ZNF536: variants seen among roughly 807,000 people sequenced by gnomAD.
ZNF536 encodes zinc finger protein 536.
ZNF536 carries 13 observed loss-of-function variants against 84.5 expected under a neutral mutation model. The observed-to-expected ratio is 0.15, with a 90% CI of 0.10 to 0.24. The LOEUF (loss-of-function observed/expected upper bound fraction) is 0.24. ZNF536 is among the 10% of genes least tolerant of loss of function. ZNF536 has a pLI of 1.00. For missense variants in ZNF536, 1,536 were observed against 1,747.5 expected (o/e 0.88, Z 2.16); for synonymous variants, 811 against 742.5 (o/e 1.09, Z -1.50).
At chr19:30,280,088 G>A (rs896014686) in intron 1 of ZNF536, among the ~76,000 whole-genome samples, 2 of 152,010 alleles carry the variant, frequency 1.3e-5, no homozygotes, top group Admixed American at 1.3e-4. Context: ...AGCAGCCCTC[G>A]CACCTTTCCT....
intron 1 of ZNF536, among the ~76,000 whole-genome samples, chr19:30,573,772 C>T (rs1002336517): frequency 1.3e-5 from 2 of 152,040 alleles, no homozygotes; most frequent in Non-Finnish European, 2.9e-5. Flanking sequence ...CCTTGGACAT[C>T]TGAGTTAAGC....
At chr19:30,565,051 G>C (rs74557929) in intron 1 of ZNF536, among the ~76,000 whole-genome samples, 1,658 of 152,228 alleles carry the variant, frequency 0.011, 20 homozygotes, top group Non-Finnish European at 0.016. Context: ...ATGCACTTCT[G>C]TTTGTTGCGT....
intron 1 of ZNF536, among the ~76,000 whole-genome samples, chr19:30,600,557 T>C (rs1018749545): frequency 2.0e-5 from 3 of 152,170 alleles, no homozygotes; most frequent in Admixed American, 1.3e-4. Context: ...CACGTCCTAG[T>C]GTGTCCTCCC....
intron 1 of ZNF536, among the ~76,000 whole-genome samples, chr19:30,601,498 C>T (rs1272341356): frequency 6.6e-6 from 1 of 152,172 alleles, no homozygotes; most frequent in Non-Finnish European, 1.5e-5. Flanking sequence ...CCACATATGG[C>T]TTCAGGGACT....
intron 1 of ZNF536, among the ~76,000 whole-genome samples, chr19:30,427,908 A>G (rs1172762339): frequency 6.6e-6 from 1 of 152,222 alleles, no homozygotes; most frequent in Non-Finnish European, 1.5e-5. Context: ...AATCTGTAAT[A>G]TAATTATTTA....
At position 30,534,937 on chromosome 19, in the gene ZNF536, C is replaced by T. The variant is rs749086445; in HGVS notation, c.2261C>T (p.Pro754Leu). The stretch of plus-strand genomic sequence containing the variant: ...CTGGGCTCGGCCATGAAGGACTGCC[C>T]GTACTGTGGGAAAACTTTCCGGACA... ...RSLGSAMKDC[P>L]YCGKTFRTSH... The change falls in exon 3 of 5, where the codon CCG becomes CTG. Residue 754 changes from proline (P) to leucine (L), a missense_variant. Pro to Leu is a moderately conservative substitution (Grantham distance 98). Transcript: ENST00000355537. 20 of 1,613,822 alleles carry T rather than the reference C, an allele frequency of 1.2e-5. No individual in the cohort carries two copies. Among genetic ancestry groups the T allele is most frequent in the East Asian group, 4.5e-5 (2 of 44,884 alleles).
intron 2 of ZNF536, among the ~76,000 whole-genome samples, chr19:30,297,904 C>T (rs1489022484): frequency 1.0e-4 from 8 of 79,302 alleles, no homozygotes; most frequent in South Asian, 9.4e-4. Flanking sequence ...AAGACGGAGT[C>T]CCCCCCCCCT....
chr19:30,311,380 T>C (rs2046498862), intron 2 of ZNF536, among the ~76,000 whole-genome samples: 2 of 152,188 alleles, frequency 1.3e-5, no homozygotes. Flanking sequence ...TGTGGCGAAG[T>C]AGAAGAAAGT....
At chr19:30,231,476 A>T (rs988672221) in intron 1 of ZNF536, among the ~76,000 whole-genome samples, 34 of 152,206 alleles carry the variant, frequency 2.2e-4, no homozygotes, top group Admixed American at 1.4e-3. Flanking sequence ...CTTCTCCAGA[A>T]TGTGCCAGGG....
intron 2 of ZNF536, among the ~76,000 whole-genome samples, chr19:30,520,194 G>A (rs1379067030): frequency 6.6e-6 from 1 of 152,228 alleles, no homozygotes; most frequent in African/African-American, 2.4e-5. Flanking sequence ...ATTTCAGGAT[G>A]AGAGGAAACA....
At chr19:30,710,416 T>G (rs1290133868) in intron 1 of ZNF536, among the ~76,000 whole-genome samples, 1 of 152,170 alleles carries the variant, frequency 6.6e-6, no homozygotes, top group Non-Finnish European at 1.5e-5. Flanking sequence ...GTGGTGTACC[T>G]GTAGTCCCAG....
chr19:30,684,983 T>A (rs992983442), intron 1 of ZNF536, among the ~76,000 whole-genome samples: 1 of 152,322 alleles, frequency 6.6e-6, no homozygotes, highest in East Asian at 1.9e-4. Context: ...GTTGTCTCAA[T>A]TACAGCTACT....
At chr19:30,611,888 C>G (rs1221964713) in intron 1 of ZNF536, among the ~76,000 whole-genome samples, 1 of 152,298 alleles carries the variant, frequency 6.6e-6, no homozygotes, top group East Asian at 1.9e-4. Context: ...GCCCTTTGGA[C>G]TTGGTTTTCA....
chr19:30,686,780 C>T (rs2051203726), intron 1 of ZNF536, among the ~76,000 whole-genome samples: 1 of 152,110 alleles, frequency 6.6e-6, no homozygotes, highest in South Asian at 2.1e-4. Context: ...CAGGCCAGCC[C>T]TCCCCCCACT....
At chr19:30,618,767 C>T (rs571484167) in intron 1 of ZNF536, among the ~76,000 whole-genome samples, 1 of 151,888 alleles carries the variant, frequency 6.6e-6, no homozygotes, top group Non-Finnish European at 1.5e-5. Context: ...TTTATTTGTT[C>T]CTTGTTTTAA....
chr19:30,392,790 C>T (rs1372639944), intron 1 of ZNF536, among the ~76,000 whole-genome samples: 1 of 152,192 alleles, frequency 6.6e-6, no homozygotes, highest in African/African-American at 2.4e-5. Flanking sequence ...TGGTGCAAAA[C>T]AGTAATTAAC....
At chr19:30,709,496 A>G (rs2052376867) in intron 1 of ZNF536, among the ~76,000 whole-genome samples, 1 of 152,178 alleles carries the variant, frequency 6.6e-6, no homozygotes, top group Admixed American at 6.5e-5. Context: ...GGATCAGAAC[A>G]TGAGCTGGCT....
intron 1 of ZNF536, among the ~76,000 whole-genome samples, chr19:30,241,609 A>G (rs923906099): frequency 4.6e-5 from 7 of 152,172 alleles, no homozygotes; most frequent in African/African-American, 4.8e-5. Context: ...TGGCTGGAGT[A>G]AAAAAGGGAT....
chr19:30,328,987 C>T (rs2047123597), intron 2 of ZNF536, among the ~76,000 whole-genome samples: 1 of 152,220 alleles, frequency 6.6e-6, no homozygotes, highest in East Asian at 1.9e-4. Flanking sequence ...GGAATTAGCA[C>T]TGTAGAGAGG....
Sources: gnomAD v4.1 joint callset for allele counts (sites outside exome capture counted in the v4.1 genomes callset) on GRCh38, gnomAD v4.1.1 for gene constraint, MANE v1.5 for transcripts, NCBI Gene and HGNC (gene_info 2026-07-23, HGNC 2026-07-21) for gene names.